CRB1: variants seen among roughly 807,000 people sequenced by gnomAD.
The protein encoded by CRB1 is protein crumbs homolog 1.
Under a neutral mutation model 120.0 loss-of-function variants are expected in CRB1, and 83 were observed. That is an observed-to-expected ratio of 0.69 (90% CI 0.58 to 0.83). CRB1 has a LOEUF of 0.83. Ranked by LOEUF, CRB1 falls within the 40% of genes least tolerant of loss-of-function variation. The pLI is 0.00. For synonymous variants in CRB1, 625 were observed against 612.5 expected, an observed-to-expected ratio of 1.02 and a Z score of -0.30; for missense variants, 1,699 against 1,687.6, an observed-to-expected ratio of 1.01 and a Z score of -0.12.
chr1:197,347,544 G>A, intron 4 of CRB1, 65 bp downstream of exon 4: 1 of 1,493,396 alleles, frequency 6.7e-7, no homozygotes, highest in Non-Finnish European at 9.3e-7. Flanking sequence ...ATCGCTTATA[G>A]CAAATGAAAT....
At chr1:197,317,604 G>A (rs1175506818) in intron 1 of CRB1, among the ~76,000 whole-genome samples, 2 of 152,036 alleles carry the variant, frequency 1.3e-5, no homozygotes, top group South Asian at 2.1e-4. Context: ...TATACCAAAA[G>A]GCTAGAGTAA....
the CRB1 span, chr1:197,222,294 AT>A: frequency 1.5e-6 from 1 of 651,388 alleles, no homozygotes; most frequent in East Asian, 3.0e-5. Flanking sequence ...TTGGTCTGTT[AT>A]TTTCAGAAAT....
chr1:197,305,753 T>C (rs1657131178), intron 1 of CRB1, among the ~76,000 whole-genome samples: 1 of 151,936 alleles, frequency 6.6e-6, no homozygotes, highest in African/African-American at 2.4e-5. Context: ...ACTATTCAAA[T>C]ACCTTCAATC....
chr1:197,220,095 A>G, the CRB1 span, among the ~76,000 whole-genome samples: 1 of 152,162 alleles, frequency 6.6e-6, no homozygotes, highest in Non-Finnish European at 1.5e-5. Flanking sequence ...GACACAAGTC[A>G]TCCTCTTTCT....
At position 197,344,385 on chromosome 1, in the gene CRB1, G is replaced by A. The variant is rs114913030; in HGVS notation, c.757G>A (p.Gly253Arg). Residue 253 changes from glycine (G) to arginine (R), a missense_variant, in exon 3 of 12, where the codon GGA (glycine) becomes AGA (arginine). Physicochemically the swap from Gly to Arg is moderately radical, Grantham distance 125. Coordinates refer to ENST00000367400, the MANE Select transcript of CRB1 (RefSeq NM_201253.3). The part of the protein sequence containing the change: ...LGAYFCDCAP[G>R]FLGDHCELNT... The stretch of plus-strand genomic sequence containing the variant: ...GGCCTATTTCTGCGACTGTGCCCCT[G>A]GATTCCTGGGGGATCACTGTGAACT... The A allele has an allele frequency of 4.3e-6, 7 of 1,614,040 alleles. No homozygotes were observed. In the East Asian group the frequency reaches 1.6e-4, roughly 36 times the overall value.
At chr1:197,290,147 C>A (rs944657575) in intron 1 of CRB1, among the ~76,000 whole-genome samples, 1 of 151,490 alleles carries the variant, frequency 6.6e-6, no homozygotes, top group African/African-American at 2.4e-5. Context: ...TGTATTTATC[C>A]TATGAGTACC....
intron 4 of CRB1, among the ~76,000 whole-genome samples, chr1:197,353,624 A>G (rs905577138): frequency 2.6e-5 from 4 of 151,750 alleles, no homozygotes; most frequent in Non-Finnish European, 5.9e-5. Flanking sequence ...AACATGGTGA[A>G]ACTTCGTCTC....
chr1:197,388,866 TA>T (rs1215941195), intron 5 of CRB1, among the ~76,000 whole-genome samples: 1 of 152,022 alleles, frequency 6.6e-6, no homozygotes, highest in Non-Finnish European at 1.5e-5. Context: ...CAACAACAAA[TA>T]AAAACCTGAT....
At chr1:197,435,880 GC>G (rs1665137033) in intron 9 of CRB1, among the ~76,000 whole-genome samples, 1 of 152,056 alleles carries the variant, frequency 6.6e-6, no homozygotes, top group Admixed American at 6.6e-5. Flanking sequence ...ATGAACTGTA[GC>G]CCCAGGGTCT....
chr1:197,215,321 A>G, the CRB1 span, among the ~76,000 whole-genome samples: 2 of 139,972 alleles, frequency 1.4e-5, no homozygotes, highest in East Asian at 4.1e-4. Flanking sequence ...CTTGTTGCCC[A>G]GGCTGGAGTC....
chr1:197,393,616 G>T (rs1327080814), intron 5 of CRB1, among the ~76,000 whole-genome samples: 3 of 151,992 alleles, frequency 2.0e-5, no homozygotes, highest in Non-Finnish European at 4.4e-5. Flanking sequence ...GGATTTAAAT[G>T]ATTTGAATGA....
chr1:197,236,843 T>C, the CRB1 span, among the ~76,000 whole-genome samples: 5 of 152,248 alleles, frequency 3.3e-5, no homozygotes, highest in African/African-American at 1.2e-4. Flanking sequence ...CAGGCTTGCA[T>C]ACCTGAAATA....
At chr1:197,360,776 C>G (rs1193810926) in intron 5 of CRB1, among the ~76,000 whole-genome samples, 1 of 152,152 alleles carries the variant, frequency 6.6e-6, no homozygotes, top group Admixed American at 6.5e-5. Flanking sequence ...GTTATTTCTT[C>G]CTTTACAATA....
At chr1:197,365,395 G>T (rs1474927563) in intron 5 of CRB1, among the ~76,000 whole-genome samples, 1 of 152,010 alleles carries the variant, frequency 6.6e-6, no homozygotes, top group Non-Finnish European at 1.5e-5. Context: ...TGATGGAAGT[G>T]GGGAGTCTCA....
chr1:197,418,993 T>C (rs1664147923), intron 5 of CRB1, among the ~76,000 whole-genome samples: 1 of 152,212 alleles, frequency 6.6e-6, no homozygotes, highest in Admixed American at 6.5e-5. Flanking sequence ...AGAGGGTAAT[T>C]CTTTCCTACT....
At chr1:197,350,017 G>C (rs1260400381) in intron 4 of CRB1, among the ~76,000 whole-genome samples, 1 of 151,240 alleles carries the variant, frequency 6.6e-6, no homozygotes. Context: ...GGAGAATGGC[G>C]TGAACCCGGG....
chr1:197,452,468 TGA>T (rs1385833965), intron 11 of CRB1, among the ~76,000 whole-genome samples: 3 of 152,212 alleles, frequency 2.0e-5, no homozygotes, highest in Non-Finnish European at 4.4e-5. Flanking sequence ...GAGACAAGGC[TGA>T]GTCTGGCTTG....
At chr1:197,232,156 T>C in the CRB1 span, among the ~76,000 whole-genome samples, 2 of 151,978 alleles carry the variant, frequency 1.3e-5, no homozygotes. Flanking sequence ...AGCCAGAAAA[T>C]GCAAGTAAAT....
intron 11 of CRB1, among the ~76,000 whole-genome samples, chr1:197,458,124 G>A (rs560473058): frequency 6.6e-6 from 1 of 152,154 alleles, no homozygotes; most frequent in Admixed American, 6.6e-5. Context: ...GAAACTTAAG[G>A]CACTGGTCCC....
Sources: gnomAD v4.1 joint callset for allele counts (sites outside exome capture counted in the v4.1 genomes callset) on GRCh38, gnomAD v4.1.1 for gene constraint, MANE v1.5 for transcripts, NCBI Gene and HGNC (gene_info 2026-07-23, HGNC 2026-07-21) for gene names.